Variants in GGA2 observed in about 807,000 individuals in gnomAD.
GGA2 encodes golgi associated, gamma adaptin ear containing, ARF binding protein 2.
In GGA2, 48 loss-of-function variants were observed where a neutral mutation model predicts 79.5. The observed-to-expected ratio is 0.60, with a 90% CI of 0.48 to 0.77. GGA2 has a LOEUF of 0.77. Among genes scored for constraint, GGA2 ranks in the 30% least tolerant of loss-of-function variants. The pLI is 0.00. For synonymous variants in GGA2, 317 were observed against 302.0 expected (o/e 1.05, Z -0.51); for missense variants, 770 against 774.0 (o/e 0.99, Z 0.06).
chr16:23,505,067 C>T (rs1964959200), intron 1 of GGA2, among the ~76,000 whole-genome samples: 1 of 152,246 alleles, frequency 6.6e-6, no homozygotes, highest in Admixed American at 6.5e-5. Flanking sequence ...GTGGTCACCC[C>T]GAGGAGCAGA....
At chr16:23,496,302 C>CAAA (rs754859869) in intron 1 of GGA2, among the ~76,000 whole-genome samples, 27 of 35,800 alleles carry the variant, frequency 7.5e-4, no homozygotes, top group African/African-American at 1.7e-3. Flanking sequence ...GACTCTGTCT[C>CAAA]AAAAAAAAAA....
intron 13 of GGA2, 97 bp from the exon 14 acceptor site, chr16:23,475,158 A>C: frequency 4.8e-6 from 3 of 624,344 alleles, no homozygotes; most frequent in Non-Finnish European, 5.7e-6. Flanking sequence ...AAAATAACAC[A>C]CACACACACA....
At chr16:23,471,919 T>TA (rs1567358273) in intron 14 of GGA2, among the ~76,000 whole-genome samples, 9 of 151,258 alleles carry the variant, frequency 6.0e-5, no homozygotes, top group Non-Finnish European at 4.4e-5. Context: ...TAAAAAAATT[T>TA]AAAAAAAAAT....
At chr16:23,488,491 A>G in intron 6 of GGA2, 115 bp downstream of exon 6, 1 of 734,300 alleles carries the variant, frequency 1.4e-6, no homozygotes, top group Non-Finnish European at 2.5e-6. Flanking sequence ...GCCTGTCTGG[A>G]GAGGAGAACC....
intron 1 of GGA2, among the ~76,000 whole-genome samples, chr16:23,506,706 C>T (rs896977128): frequency 3.9e-5 from 6 of 152,180 alleles, no homozygotes; most frequent in African/African-American, 1.4e-4. Flanking sequence ...GGGCCCACTT[C>T]GGTTTGCCTC....
intron 14 of GGA2, among the ~76,000 whole-genome samples, chr16:23,473,664 G>A (rs1282239655): frequency 1.3e-5 from 2 of 151,876 alleles, no homozygotes; most frequent in East Asian, 1.9e-4. Flanking sequence ...TTTTGAACAT[G>A]TATTTTTGTT....
upstream of GGA2, among the ~76,000 whole-genome samples, chr16:23,510,838 C>T (rs1435123172): frequency 1.3e-5 from 2 of 151,332 alleles, no homozygotes; most frequent in African/African-American, 2.4e-5. Context: ...TCCGGAGGAG[C>T]TGGGACTAGG....
chr16:23,478,198 CAAA>C (rs1280730858), intron 13 of GGA2, among the ~76,000 whole-genome samples, 167 bp downstream of exon 13: 2 of 38,100 alleles, frequency 5.2e-5, no homozygotes, highest in African/African-American at 2.4e-4. Context: ...GACCCCGTCT[CAAA>C]AAAAAAAAAA....
upstream of GGA2, among the ~76,000 whole-genome samples, chr16:23,513,280 C>T (rs1597000418): frequency 6.6e-6 from 1 of 151,834 alleles, no homozygotes; most frequent in African/African-American, 2.4e-5. Context: ...ACTTTGAACT[C>T]AAAGACAGTG....
chr16:23,503,629 T>C lies in GGA2; in HGVS notation c.91+6692A>G, dbSNP rs1215629767. Among the ~76,000 whole-genome samples the C allele has an allele frequency of 2.6e-5, 4 of 152,224 alleles. 1 individual carries two copies. Among genetic ancestry groups the C allele is most frequent in the African/African-American group, 2.4e-5 (1 of 41,474 alleles). ...TCATTGTTAAATTTTTAAATTTCCA[T>C]GAAAACCTATACACAAGAACTTAAA... On this transcript the variant is annotated intron_variant, in intron 1 of 16. Transcript: ENST00000309859.
rs746752217 is a variant in GGA2 at position 23,464,450 on chromosome 16, C to A, written c.*3140G>T. 1 of 151,912 alleles carries A rather than the reference C, an allele frequency of 6.6e-6. No homozygotes were observed. The highest frequency in any genetic ancestry group is 1.5e-5 in the Non-Finnish European group (1 of 68,004). 9.4% of individuals were successfully genotyped at this position (151,912 alleles called of 1,614,324 possible). On this transcript the variant is annotated 3_prime_UTR_variant, in exon 17 of 17. Transcript: ENST00000309859. ...TCCCATAAAGTCAGGCATCAGGAAG[C>A]CATTCAGAATTTTTCACCCTGTCAG...
At chr16:23,481,007 A>G (rs1022587776) in intron 9 of GGA2, among the ~76,000 whole-genome samples, 2 of 152,222 alleles carry the variant, frequency 1.3e-5, no homozygotes, top group African/African-American at 4.8e-5. Context: ...CTACACCTGT[A>G]CTGTCCAGAG....
intron 1 of GGA2, 78 bp downstream of exon 1, chr16:23,510,243 A>G (rs1223040167): frequency 1.5e-5 from 14 of 959,394 alleles, no homozygotes; most frequent in Non-Finnish European, 2.0e-5. Context: ...CCCGCCCCGA[A>G]GCAAGGCCCC....
chr16:23,519,435 A>G (rs1965122544), intron 2 of GGA2, among the ~76,000 whole-genome samples: 1 of 152,242 alleles, frequency 6.6e-6, no homozygotes, highest in African/African-American at 2.4e-5. Flanking sequence ...ACCTGCAGCC[A>G]TGATCATAGA....
chr16:23,520,305 C>G (rs1318915965), intron 1 of GGA2, among the ~76,000 whole-genome samples: 1 of 146,938 alleles, frequency 6.8e-6, no homozygotes, highest in Non-Finnish European at 1.5e-5. Flanking sequence ...CCAATCCTTA[C>G]AACTCTTTGA....
chr16:23,488,281 A>C (rs1252395648), intron 6 of GGA2, among the ~76,000 whole-genome samples: 1 of 152,072 alleles, frequency 6.6e-6, no homozygotes, highest in African/African-American at 2.4e-5. Context: ...GAGGGCACAA[A>C]GTACCCTTGA....
At chr16:23,507,697 G>A (rs1964989018) in intron 1 of GGA2, among the ~76,000 whole-genome samples, 1 of 152,194 alleles carries the variant, frequency 6.6e-6, no homozygotes, top group Admixed American at 6.5e-5. Context: ...CTACTTGGGA[G>A]GCTGAGGCAG....
intron 8 of GGA2, among the ~76,000 whole-genome samples, chr16:23,485,186 C>T (rs1163957472): frequency 6.6e-6 from 1 of 152,078 alleles, no homozygotes; most frequent in African/African-American, 2.4e-5. Flanking sequence ...ATAAGCAAAT[C>T]CAGAGAGACA....
At chr16:23,477,287 C>T (rs1964587156) in intron 13 of GGA2, among the ~76,000 whole-genome samples, 2 of 152,180 alleles carry the variant, frequency 1.3e-5, no homozygotes, top group South Asian at 2.1e-4. Flanking sequence ...GTAGCACCCA[C>T]AATTCCCACA....
Sources: gnomAD v4.1 joint callset for allele counts (sites outside exome capture counted in the v4.1 genomes callset) on GRCh38, gnomAD v4.1.1 for gene constraint, MANE v1.5 for transcripts, NCBI Gene and HGNC (gene_info 2026-07-23, HGNC 2026-07-21) for gene names.